Variants in N4BP2L1 observed in about 807,000 individuals in gnomAD.
N4BP2L1 encodes the protein NEDD4-binding protein 2-like 1.
N4BP2L1 carries 12 observed loss-of-function variants against 21.2 expected under a neutral mutation model. The ratio of observed to expected loss-of-function variants is 0.57; its 90% CI spans 0.36 to 0.92. The LOEUF is 0.92. Ranked by LOEUF, N4BP2L1 falls within the 40% of genes least tolerant of loss-of-function variation. N4BP2L1 has a pLI of 0.01. For synonymous variants in N4BP2L1, 104 were observed against 112.8 expected (o/e 0.92, Z 0.49); for missense variants, 259 against 310.6 (o/e 0.83, Z 1.25).
At chr13:32,416,510 A>C (rs1216166061) in intron 1 of N4BP2L1, 1 of 152,242 alleles carries the variant, frequency 6.6e-6, no homozygotes, top group Non-Finnish European at 1.5e-5. Flanking sequence ...TCTTGTGTGT[A>C]TGTGGACATT....
chr13:32,422,349 C>T (rs2074529782), intron 1 of N4BP2L1, among the ~76,000 whole-genome samples: 1 of 139,024 alleles, frequency 7.2e-6, no homozygotes, highest in African/African-American at 2.8e-5. Flanking sequence ...TTGGGGTACA[C>T]AAAAAAAGCT....
chr13:32,428,024 T>C lies in N4BP2L1; in HGVS notation c.59A>G (p.Gln20Arg), dbSNP rs377594152. Residue 20 changes from glutamine (Q) to arginine (R), a missense_variant, in exon 1 of 5, where the codon CAG (glutamine) becomes CGG (arginine). Coordinates refer to ENST00000380130, the MANE Select transcript of N4BP2L1 (RefSeq NM_052818.3). ...CGGCCGGGGCGGCCGCTGCCGCTGCTGCTGCTGCTGGGGCTGGAGGCTCAG... is the reference window on the plus strand; with the variant it reads ...CGGCCGGGGCGGCCGCTGCCGCTGCCGCTGCTGCTGGGGCTGGAGGCTCAG... ...GRLSLQPQQQQQRQRPPRPPP... is the reference protein window; with the variant it reads ...GRLSLQPQQQRQRQRPPRPPP... 1.8e-4 allele frequency: 279 copies of C among 1,557,674 alleles called. No homozygotes were observed. The highest frequency in any genetic ancestry group is 2.2e-4 in the Non-Finnish European group (257 of 1,153,934).
rs1287604434 is a variant in N4BP2L1 at position 32,401,777 on chromosome 13, T to C, written c.*1165A>G. 1 of 245,220 alleles carries C rather than the reference T, an allele frequency of 4.1e-6. No homozygotes were observed. Among genetic ancestry groups the C allele is most frequent in the African/African-American group, 2.3e-5 (1 of 43,006 alleles). The allele number at this position is 245,220 out of a possible 1,614,324, so 15.2% of individuals were successfully genotyped here. A position where few individuals can be genotyped will look rare whatever the true frequency, so the allele number is the denominator to read the frequency against. On this transcript the variant is annotated 3_prime_UTR_variant, in exon 5 of 5. Transcript: ENST00000380130. ...ATTTTTAATAACCATAAAAGCACCA[T>C]TATATAAGACACTTAAAATAATTTT... is the stretch of plus-strand genomic sequence containing the variant.
At chr13:32,419,361 T>C (rs1379471942) in intron 1 of N4BP2L1, 1 of 421,564 alleles carries the variant, frequency 2.4e-6, no homozygotes, top group South Asian at 1.7e-5. Context: ...TTCTCCTGCC[T>C]CAGCCTCTTG....
chr13:32,418,590 G>A (rs562485233), intron 1 of N4BP2L1, among the ~76,000 whole-genome samples: 76 of 152,188 alleles, frequency 5.0e-4, no homozygotes, highest in Non-Finnish European at 9.4e-4. Context: ...ACCCCAGAAT[G>A]GTAGATCCAC....
At position 32,415,104 on chromosome 13, in the gene N4BP2L1, A is replaced by T. The variant is rs373359986; in HGVS notation, c.180-7332T>A. 9.8e-5 allele frequency among the ~76,000 whole-genome samples: 15 copies of T among 152,366 alleles called. No individual in the cohort carries two copies. In the East Asian group the frequency reaches 2.5e-3, roughly 25 times the overall value. On this transcript the variant is annotated intron_variant, in intron 1 of 4. Coordinates refer to ENST00000380130, the MANE Select transcript of N4BP2L1 (RefSeq NM_052818.3). ...ATGTCTATATCTTGTGTGTAAAAAG[A>T]CAGAGGTAGAATCCAGAGCTGGTGT...
At chr13:32,423,040 A>C (rs944321614) in intron 1 of N4BP2L1, among the ~76,000 whole-genome samples, 1 of 152,178 alleles carries the variant, frequency 6.6e-6, no homozygotes, top group Admixed American at 6.5e-5. Context: ...TGTGGAGCAG[A>C]GTATTCTTTG....
chr13:32,411,457 A>G lies in N4BP2L1; in HGVS notation c.180-3685T>C, dbSNP rs1258303203. 4.4e-6 allele frequency: 4 copies of G among 918,954 alleles called. No homozygotes were observed. In the Admixed American group the frequency reaches 2.5e-4, roughly 57 times the overall value. The allele number at this position is 918,954 out of a possible 1,614,324, so 56.9% of individuals were successfully genotyped here. On this transcript the variant is annotated intron_variant, in intron 1 of 4. Coordinates refer to ENST00000380130, the MANE Select transcript of N4BP2L1 (RefSeq NM_052818.3). ...GAATAGGCAGGACAATAAAAACTCT[A>G]CTAGCTAAATAAAGAACTGATTAAA...
Position 32,407,826 on chromosome 13 carries a change from A to T in N4BP2L1, c.180-54T>A. The T allele has an allele frequency of 2.0e-6, 3 of 1,504,960 alleles. No homozygotes were observed. The Admixed American group carries it at 6.7e-5, about 34-fold the overall frequency. The allele number at this position is 1,504,960 out of a possible 1,614,324, so 93.2% of individuals were successfully genotyped here. A position where few individuals can be genotyped will look rare whatever the true frequency, so the allele number is the denominator to read the frequency against. On this transcript the variant is annotated intron_variant, in intron 1 of 4. Coordinates refer to ENST00000380130, the MANE Select transcript of N4BP2L1 (RefSeq NM_052818.3). ...ATGTTTTAAATATATGTATAGTCTC[A>T]GTAGAAATAATCTCCTTCCATCTCT...
intron 3 of N4BP2L1, chr13:32,407,005 C>T (rs3752447): frequency 0.19 from 95,916 of 513,526 alleles, 10,282 homozygotes; most frequent in East Asian, 0.43. Flanking sequence ...CAAGGATTCA[C>T]ACCAAAGACC....
intron 1 of N4BP2L1, among the ~76,000 whole-genome samples, chr13:32,410,117 T>C (rs1440794961): frequency 6.6e-6 from 1 of 152,218 alleles, no homozygotes; most frequent in African/African-American, 2.4e-5. Context: ...GAACTTCTTT[T>C]GTGTTGGCAA....
At chr13:32,407,392 T>G in intron 2 of N4BP2L1, 54 bp from the exon 3 acceptor site, 1 of 1,613,520 alleles carries the variant, frequency 6.2e-7, no homozygotes, top group Non-Finnish European at 8.5e-7. Flanking sequence ...AGAGGGAAGG[T>G]GAGCGTAATC....
chr13:32,427,758 G>A, intron 1 of N4BP2L1, 146 bp downstream of exon 1: 3 of 340,520 alleles, frequency 8.8e-6, no homozygotes, highest in Non-Finnish European at 1.5e-5. Flanking sequence ...GCTCAGGCTT[G>A]GGCTGGGGCT....
intron 1 of N4BP2L1, among the ~76,000 whole-genome samples, chr13:32,416,866 A>G (rs1380778069): frequency 2.0e-5 from 3 of 151,434 alleles, no homozygotes; most frequent in Admixed American, 6.6e-5. Flanking sequence ...GCCCAGGCTG[A>G]AGTGCAATGG....
chr13:32,410,259 C>G (rs1399879711), intron 1 of N4BP2L1, among the ~76,000 whole-genome samples: 1 of 152,224 alleles, frequency 6.6e-6, no homozygotes, highest in Non-Finnish European at 1.5e-5. Flanking sequence ...GGTGCTGGCT[C>G]TCACTCCGCA....
At chr13:32,407,906 A>C (rs1433520456) in intron 1 of N4BP2L1, 134 bp from the exon 2 acceptor site, 2 of 991,584 alleles carry the variant, frequency 2.0e-6, no homozygotes, top group Admixed American at 5.3e-5. Context: ...GTTAAAATGC[A>C]GTTTCAAAAG....
intron 1 of N4BP2L1, among the ~76,000 whole-genome samples, chr13:32,426,987 G>A (rs1464587931): frequency 6.6e-6 from 1 of 152,210 alleles, no homozygotes; most frequent in African/African-American, 2.4e-5. Context: ...GTCAAGGAGA[G>A]AAGCGGCTTG....
At position 32,411,832 on chromosome 13, in the gene N4BP2L1, T is replaced by C. The variant is rs994428766; in HGVS notation, c.180-4060A>G. ...TCTCTTCAGCCAGTCAGTCACTCACTGAGAAAGTCAGACATTGCATGTAAT... is the reference window on the plus strand; with the variant it reads ...TCTCTTCAGCCAGTCAGTCACTCACCGAGAAAGTCAGACATTGCATGTAAT... On this transcript the variant is annotated intron_variant, in intron 1 of 4. Coordinates refer to ENST00000380130, the MANE Select transcript of N4BP2L1 (RefSeq NM_052818.3). 1.3e-5 allele frequency: 12 copies of C among 948,826 alleles called. No homozygotes were observed. In the Admixed American group the frequency reaches 2.5e-4, roughly 20 times the overall value. The allele number at this position is 948,826 out of a possible 1,614,324, so 58.8% of individuals were successfully genotyped here.
Position 32,407,685 on chromosome 13 carries a change from AGGATTGAAC to A in N4BP2L1, c.258_266del (p.Glu86_Pro89delinsAsp). 1 of 1,614,054 alleles carries A rather than the reference AGGATTGAAC, an allele frequency of 6.2e-7. No homozygotes were observed. Among genetic ancestry groups the A allele is most frequent in the South Asian group, 1.1e-5 (1 of 91,082 alleles). ...ATTCATGAGCTTCCTCCAGGAAGTCAGGATTGAACTCATAGGCACCATCTTCCCTGAAGA... is the reference window on the plus strand; with the variant it reads ...ATTCATGAGCTTCCTCCAGGAAGTCATCATAGGCACCATCTTCCCTGAAGA... On this transcript the variant is annotated inframe_deletion, in exon 2 of 5. Transcript: ENST00000380130.
Sources: allele counts gnomAD v4.1 joint callset (sites outside exome capture counted in the v4.1 genomes callset), GRCh38; gene constraint gnomAD v4.1.1; transcripts MANE v1.5; gene names NCBI Gene and HGNC (gene_info 2026-07-23, HGNC 2026-07-21).